The following COG5 variants were observed in gnomAD, a reference collection of about 807,000 sequenced individuals.
The protein encoded by COG5 is conserved oligomeric Golgi complex subunit 5.
In COG5, 86 loss-of-function variants were observed where a neutral mutation model predicts 110.4. That is an observed-to-expected ratio of 0.78 (90% CI 0.65 to 0.93). The LOEUF is 0.93. COG5 is among the 40% of genes least tolerant of loss of function. The pLI is 0.00. For missense variants in COG5, 1,077 were observed against 987.0 expected (o/e 1.09, Z -1.22); for synonymous variants, 360 against 334.6 (o/e 1.08, Z -0.83).
At chr7:107,452,014 G>T (rs927557735) in intron 6 of COG5, among the ~76,000 whole-genome samples, 1 of 152,000 alleles carries the variant, frequency 6.6e-6, no homozygotes, top group South Asian at 2.1e-4. Flanking sequence ...TTCCTCCTAC[G>T]AATGGTTCAG....
At chr7:107,418,660 G>A (rs1404116946) in intron 6 of COG5, among the ~76,000 whole-genome samples, 1 of 149,588 alleles carries the variant, frequency 6.7e-6, no homozygotes, top group East Asian at 1.9e-4. Flanking sequence ...AGAGAACACA[G>A]AAGTTAGTGG....
At chr7:107,251,133 CAA>C (rs564589238) in intron 16 of COG5, among the ~76,000 whole-genome samples, 2,052 of 54,836 alleles carry the variant, frequency 0.037, 53 homozygotes, top group African/African-American at 0.1. Flanking sequence ...TGAAACTAGC[CAA>C]AAAAAAAAAA....
chr7:107,334,236 C>A, intron 10 of COG5, among the ~76,000 whole-genome samples: 1 of 151,980 alleles, frequency 6.6e-6, no homozygotes, highest in African/African-American at 2.4e-5. Context: ...GAATGAAATC[C>A]TGTCATTCAA....
intron 5 of COG5, among the ~76,000 whole-genome samples, chr7:107,546,684 T>C (rs1032861550): frequency 6.6e-5 from 10 of 150,970 alleles, no homozygotes; most frequent in African/African-American, 2.2e-4. Context: ...AAACCAGAAA[T>C]GAAAAAAGAA....
At chr7:107,537,783 T>C (rs1044509359) in intron 5 of COG5, among the ~76,000 whole-genome samples, 8 of 149,488 alleles carry the variant, frequency 5.4e-5, no homozygotes. Flanking sequence ...ATTATTTGAA[T>C]AGACATGTCT....
chr7:107,406,512 CA>C lies in COG5; in HGVS notation c.669+5989del, dbSNP rs1354637130. On this transcript the variant is annotated intron_variant, in intron 7 of 21. Coordinates refer to ENST00000297135, the MANE Select transcript of COG5 (RefSeq NM_006348.5). ...TAATTTTTAATATGAATTTAAAAAC[CA>C]AAGAAAAGTCAAACTTGACAACTGG... Among the ~76,000 whole-genome samples, 7 of 151,790 alleles carry C rather than the reference CA, an allele frequency of 4.6e-5. No individual in the cohort carries two copies. The East Asian group carries it at 1.2e-3, about 25-fold the overall frequency.
chr7:107,505,205 G>A (rs1345147589), intron 6 of COG5, among the ~76,000 whole-genome samples: 1 of 152,152 alleles, frequency 6.6e-6, no homozygotes, highest in Admixed American at 6.5e-5. Flanking sequence ...GGCCAATACA[G>A]GAGGTGTCCA....
At chr7:107,265,195 T>C (rs1018772258) in intron 14 of COG5, among the ~76,000 whole-genome samples, 1 of 152,252 alleles carries the variant, frequency 6.6e-6, no homozygotes, top group Non-Finnish European at 1.5e-5. Flanking sequence ...TATTGTTTAC[T>C]TGACCAAAGG....
At chr7:107,352,330 T>C (rs964923245) in intron 10 of COG5, among the ~76,000 whole-genome samples, 2 of 143,782 alleles carry the variant, frequency 1.4e-5, no homozygotes, top group African/African-American at 5.1e-5. Context: ...GGGATAGCAT[T>C]AGGAGATATA....
chr7:107,258,183 C>T (rs886817186), intron 15 of COG5, 90 bp downstream of exon 15: 9 of 762,946 alleles, frequency 1.2e-5, no homozygotes, highest in Non-Finnish European at 1.8e-5. Flanking sequence ...TATTCTTTTC[C>T]AAAGTACTAA....
intron 7 of COG5, among the ~76,000 whole-genome samples, chr7:107,390,151 T>C (rs1030006647): frequency 6.6e-6 from 1 of 152,198 alleles, no homozygotes; most frequent in Non-Finnish European, 1.5e-5. Flanking sequence ...ATTGGCAAGA[T>C]TCCTCTGCCC....
At chr7:107,237,880 G>A (rs1801322966) in intron 17 of COG5, among the ~76,000 whole-genome samples, 1 of 152,094 alleles carries the variant, frequency 6.6e-6, no homozygotes, top group Non-Finnish European at 1.5e-5. Context: ...GCATAGCCTA[G>A]CTTTACTCTA....
chr7:107,365,733 CT>C (rs1262158838), intron 8 of COG5, among the ~76,000 whole-genome samples: 1 of 148,646 alleles, frequency 6.7e-6, no homozygotes, highest in Non-Finnish European at 1.5e-5. Flanking sequence ...AAAAAAAATA[CT>C]GAGAATGCTA....
intron 10 of COG5, among the ~76,000 whole-genome samples, chr7:107,337,643 G>A (rs915164639): frequency 6.6e-6 from 1 of 152,124 alleles, no homozygotes; most frequent in African/African-American, 2.4e-5. Context: ...AAGAGGCTGG[G>A]AAGGGGTGTG....
At chr7:107,504,737 T>C (rs567802137) in intron 6 of COG5, among the ~76,000 whole-genome samples, 1 of 152,332 alleles carries the variant, frequency 6.6e-6, no homozygotes, top group Non-Finnish European at 1.5e-5. Flanking sequence ...GAGGGTTGTA[T>C]GTTTCCAGGA....
At chr7:107,296,229 A>G (rs1806737319) in intron 12 of COG5, among the ~76,000 whole-genome samples, 1 of 148,800 alleles carries the variant, frequency 6.7e-6, no homozygotes, top group African/African-American at 2.5e-5. Context: ...AGGAACATAT[A>G]TTCATTTTAC....
intron 10 of COG5, among the ~76,000 whole-genome samples, chr7:107,360,438 C>T (rs1352252819): frequency 6.6e-6 from 1 of 152,168 alleles, no homozygotes; most frequent in Non-Finnish European, 1.5e-5. Flanking sequence ...ATGAAACATG[C>T]CTCCACTGCT....
At chr7:107,516,452 C>T (rs1393726917) in intron 6 of COG5, among the ~76,000 whole-genome samples, 1 of 152,214 alleles carries the variant, frequency 6.6e-6, no homozygotes, top group Non-Finnish European at 1.5e-5. Context: ...TGAAGAGCTT[C>T]TTAAATTTTG....
At chr7:107,395,541 CTTTTTTTTTTTTT>C (rs67581814) in intron 7 of COG5, among the ~76,000 whole-genome samples, 44 of 49,994 alleles carry the variant, frequency 8.8e-4, no homozygotes, top group Admixed American at 5.4e-4. Flanking sequence ...TGAAGCAGAT[CTTTTTTTTTTTTT>C]TTTTTTTTTT....
Sources: gnomAD v4.1 joint callset for allele counts (sites outside exome capture counted in the v4.1 genomes callset) on GRCh38, gnomAD v4.1.1 for gene constraint, MANE v1.5 for transcripts, NCBI Gene and HGNC (gene_info 2026-07-23, HGNC 2026-07-21) for gene names.